KLHL32: variants seen among roughly 807,000 people sequenced by gnomAD.
KLHL32 encodes the protein kelch-like protein 32.
A neutral mutation model predicts 64.8 loss-of-function variants in KLHL32; 35 were observed. The observed-to-expected ratio is 0.54, with a 90% CI of 0.41 to 0.72. KLHL32 has a LOEUF of 0.72. KLHL32 is among the 30% of genes least tolerant of loss of function. KLHL32 has a pLI of 0.00. For synonymous variants in KLHL32, 259 were observed against 281.0 expected (o/e 0.92, Z 0.78); for missense variants, 589 against 768.5 (o/e 0.77, Z 2.76).
At chr6:97,025,201 C>A in intron 3 of KLHL32, 1 of 846,212 alleles carries the variant, frequency 1.2e-6, no homozygotes, top group Non-Finnish European at 1.4e-6. Context: ...TGTTTATCGT[C>A]TTTGTAAAAA....
At chr6:97,114,671 C>A (rs775143560) in intron 7 of KLHL32, 162 bp downstream of exon 7, 104 of 755,984 alleles carry the variant, frequency 1.4e-4, no homozygotes, top group Non-Finnish European at 2.1e-4. Flanking sequence ...CTCTAGAGAG[C>A]AATGTAATTG....
intron 3 of KLHL32, among the ~76,000 whole-genome samples, chr6:96,982,009 A>G (rs910557545): frequency 3.3e-5 from 5 of 152,088 alleles, no homozygotes; most frequent in African/African-American, 1.2e-4. Context: ...TGTGCATATG[A>G]TAAAAATATA....
chr6:96,991,639 G>T (rs931838188), intron 3 of KLHL32, among the ~76,000 whole-genome samples: 4 of 152,012 alleles, frequency 2.6e-5, no homozygotes, highest in African/African-American at 9.7e-5. Context: ...AAAACTGGCC[G>T]CTTTTCTGTA....
At chr6:97,051,469 A>C (rs1786895441) in intron 4 of KLHL32, among the ~76,000 whole-genome samples, 1 of 152,232 alleles carries the variant, frequency 6.6e-6, no homozygotes, top group African/African-American at 2.4e-5. Context: ...ACAGTAGATC[A>C]ACCCTCCTAG....
intron 3 of KLHL32, among the ~76,000 whole-genome samples, chr6:97,039,822 A>ACAAC (rs113096272): frequency 2.0e-5 from 3 of 149,314 alleles, no homozygotes; most frequent in Non-Finnish European, 3.0e-5. Context: ...TCCATCTCAA[A>ACAAC]AAACAAACAA....
chr6:97,017,573 G>T (rs1280106574), intron 3 of KLHL32, among the ~76,000 whole-genome samples: 1 of 152,180 alleles, frequency 6.6e-6, no homozygotes, highest in African/African-American at 2.4e-5. Flanking sequence ...AAGGAGCCAG[G>T]GTCTTCTAAT....
rs1800602397 is a variant in KLHL32 at position 97,140,727 on chromosome 6, G to T, written c.*1445G>T. 1 of 151,824 alleles carries T rather than the reference G, an allele frequency of 6.6e-6. No homozygotes were observed. Among genetic ancestry groups the T allele is most frequent in the African/African-American group, 2.4e-5 (1 of 41,388 alleles). 9.4% of individuals were successfully genotyped at this position (151,824 alleles called of 1,614,324 possible). On this transcript the variant is annotated 3_prime_UTR_variant, in exon 11 of 11. Coordinates refer to ENST00000369261, the MANE Select transcript of KLHL32 (RefSeq NM_052904.4). Reference sequence around the variant, plus strand: ...GTAACCTTTTTTTGTAATCAAAAGTGAATAAAAACGATCTTTTTGTCTTAC... The same window carrying T: ...GTAACCTTTTTTTGTAATCAAAAGTTAATAAAAACGATCTTTTTGTCTTAC...
chr6:96,910,331 C>T, the KLHL32 span, among the ~76,000 whole-genome samples: 3 of 151,734 alleles, frequency 2.0e-5, no homozygotes, highest in Admixed American at 1.3e-4. Flanking sequence ...GTGGCTATGT[C>T]AGAGAGGACA....
chr6:96,923,541 C>G (rs190668509), upstream of KLHL32, among the ~76,000 whole-genome samples: 118 of 152,262 alleles, frequency 7.7e-4, no homozygotes, highest in African/African-American at 2.7e-3. Context: ...ACAAGCCAGA[C>G]AGATAACCTC....
At chr6:97,103,609 G>T (rs1032654444) in intron 6 of KLHL32, among the ~76,000 whole-genome samples, 4 of 152,094 alleles carry the variant, frequency 2.6e-5, no homozygotes, top group African/African-American at 9.7e-5. Context: ...TACAAGAGAT[G>T]GTATTATTAT....
the KLHL32 span, among the ~76,000 whole-genome samples, chr6:96,918,030 G>A: frequency 2.0e-5 from 3 of 152,152 alleles, no homozygotes; most frequent in African/African-American, 4.8e-5. Flanking sequence ...ATGCAAAACA[G>A]TAATGACTTC....
At chr6:96,987,835 A>C (rs1224676941) in intron 3 of KLHL32, among the ~76,000 whole-genome samples, 1 of 152,120 alleles carries the variant, frequency 6.6e-6, no homozygotes, top group Non-Finnish European at 1.5e-5. Context: ...CAAACCTGAC[A>C]AAAACAAGAA....
chr6:97,037,468 C>T (rs1301679029), intron 3 of KLHL32, among the ~76,000 whole-genome samples: 1 of 151,940 alleles, frequency 6.6e-6, no homozygotes, highest in East Asian at 1.9e-4. Flanking sequence ...ACCTAGGAAT[C>T]AATTTAACCA....
the KLHL32 span, among the ~76,000 whole-genome samples, chr6:96,898,769 T>A: frequency 6.6e-6 from 1 of 152,192 alleles, no homozygotes; most frequent in African/African-American, 2.4e-5. Flanking sequence ...CTGAATGGGT[T>A]ACTGTAGTGC....
rs181163792 is a variant in KLHL32 at position 97,111,105 on chromosome 6, G to A, written c.628-2678G>A. Among the ~76,000 whole-genome samples the A allele has an allele frequency of 8.3e-4, 127 of 152,230 alleles. 2 individuals are homozygous for A. Among genetic ancestry groups the A allele is most frequent in the Non-Finnish European group, 2.6e-4 (18 of 68,026 alleles). ...AGTCCAGGGGCCTTCCAGCAACACT[G>A]AGGAGTGGCCTTGGCCAGATGCCTT... On this transcript the variant is annotated intron_variant, in intron 6 of 10. Coordinates refer to ENST00000369261, the MANE Select transcript of KLHL32 (RefSeq NM_052904.4).
chr6:97,005,555 C>A (rs117660763), intron 3 of KLHL32, among the ~76,000 whole-genome samples: 2 of 151,960 alleles, frequency 1.3e-5, no homozygotes, highest in East Asian at 3.9e-4. Flanking sequence ...TTTCCTATTT[C>A]TTCTAGGTGT....
At chr6:97,057,681 G>A (rs1430027710) in intron 4 of KLHL32, among the ~76,000 whole-genome samples, 1 of 151,798 alleles carries the variant, frequency 6.6e-6, no homozygotes, top group Non-Finnish European at 1.5e-5. Context: ...TTTTCTCTTA[G>A]CCTATGGCTT....
At chr6:96,939,613 G>A (rs1771033599) in intron 1 of KLHL32, among the ~76,000 whole-genome samples, 1 of 152,158 alleles carries the variant, frequency 6.6e-6, no homozygotes, top group Non-Finnish European at 1.5e-5. Context: ...CAAGTAATGG[G>A]AAAAAATTCT....
intron 6 of KLHL32, among the ~76,000 whole-genome samples, chr6:97,105,712 A>T (rs1477004866): frequency 2.0e-5 from 3 of 152,108 alleles, no homozygotes; most frequent in Non-Finnish European, 2.9e-5. Flanking sequence ...CTTCATGATG[A>T]GCTCTGTGAT....
Sources: allele counts gnomAD v4.1 joint callset (sites outside exome capture counted in the v4.1 genomes callset), GRCh38; gene constraint gnomAD v4.1.1; transcripts MANE v1.5; gene names NCBI Gene and HGNC (gene_info 2026-07-23, HGNC 2026-07-21).